The following TBC1D32 variants were observed in gnomAD, a reference collection of about 807,000 sequenced individuals.
TBC1D32 encodes the protein protein broad-minded.
A neutral mutation model predicts 170.3 loss-of-function variants in TBC1D32; 151 were observed. The ratio of observed to expected loss-of-function variants is 0.89; its 90% CI spans 0.78 to 1.01. The LOEUF is 1.01. TBC1D32 is among the 50% of genes least tolerant of loss of function. TBC1D32 has a pLI of 0.00. For missense variants in TBC1D32, 1,464 were observed against 1,457.1 expected (o/e 1.00, Z -0.08); for synonymous variants, 498 against 488.0 (o/e 1.02, Z -0.27).
intron 22 of TBC1D32, among the ~76,000 whole-genome samples, chr6:121,189,865 A>G (rs2128284335): frequency 6.6e-6 from 1 of 152,150 alleles, no homozygotes; most frequent in South Asian, 2.1e-4. Flanking sequence ...ACCCTAAGTA[A>G]GACAGGACAC....
intron 24 of TBC1D32, among the ~76,000 whole-genome samples, chr6:121,154,850 T>C (rs558491167): frequency 6.6e-6 from 1 of 152,130 alleles, no homozygotes; most frequent in Non-Finnish European, 1.5e-5. Flanking sequence ...TATTCTGTTT[T>C]ATTGGTCTAT....
chr6:121,310,022 A>G (rs1807938229), intron 4 of TBC1D32, among the ~76,000 whole-genome samples: 2 of 152,014 alleles, frequency 1.3e-5, no homozygotes, highest in African/African-American at 4.8e-5. Flanking sequence ...GTGACAGAGT[A>G]AGACCCTATC....
intron 21 of TBC1D32, among the ~76,000 whole-genome samples, chr6:121,214,797 T>C (rs1371890317): frequency 6.6e-6 from 1 of 152,198 alleles, no homozygotes; most frequent in Non-Finnish European, 1.5e-5. Flanking sequence ...TACTGCTCTT[T>C]CAGTCCTCCC....
At chr6:121,102,603 G>T (rs1230160962) in intron 30 of TBC1D32, among the ~76,000 whole-genome samples, 1 of 152,114 alleles carries the variant, frequency 6.6e-6, no homozygotes, top group African/African-American at 2.4e-5. Context: ...ATGGATTAAA[G>T]ACTTAAATGT....
intron 22 of TBC1D32, among the ~76,000 whole-genome samples, chr6:121,195,659 CT>C: frequency 6.6e-6 from 1 of 152,294 alleles, no homozygotes; most frequent in South Asian, 2.1e-4. Flanking sequence ...GCCACCCTGC[CT>C]TCTCTCCCCC....
At chr6:121,115,669 A>T (rs1388675705) in intron 26 of TBC1D32, 2 of 153,028 alleles carry the variant, frequency 1.3e-5, no homozygotes, top group African/African-American at 4.8e-5. Context: ...CTTTTAATGT[A>T]TGGTAACGTA....
chr6:121,131,843 C>A, intron 24 of TBC1D32, 91 bp from the exon 25 acceptor site: 2 of 970,366 alleles, frequency 2.1e-6, no homozygotes, highest in Non-Finnish European at 2.9e-6. Context: ...TTGAAAATTC[C>A]ATATGGAATA....
At chr6:121,205,606 AT>A (rs1470292621) in intron 21 of TBC1D32, among the ~76,000 whole-genome samples, 1 of 152,162 alleles carries the variant, frequency 6.6e-6, no homozygotes, top group Non-Finnish European at 1.5e-5. Flanking sequence ...TAGTAACTAG[AT>A]TTTCTCAATA....
chr6:121,102,772 C>A (rs1303162147), intron 30 of TBC1D32, among the ~76,000 whole-genome samples: 4 of 152,044 alleles, frequency 2.6e-5, no homozygotes, highest in Admixed American at 6.6e-5. Flanking sequence ...TTCTGCACAG[C>A]AAAAGAAACT....
intron 10 of TBC1D32, among the ~76,000 whole-genome samples, chr6:121,295,697 GATTA>G (rs1378945576): frequency 6.6e-6 from 1 of 152,004 alleles, no homozygotes; most frequent in Admixed American, 6.6e-5. Flanking sequence ...TGGAAGGAAT[GATTA>G]ATTAAGCTTT....
chr6:121,220,719 C>T (rs370739466), intron 21 of TBC1D32, among the ~76,000 whole-genome samples: 5 of 147,842 alleles, frequency 3.4e-5, no homozygotes, highest in East Asian at 2.0e-4. Context: ...TGGCTCACTG[C>T]GACCTCTACC....
At chr6:121,256,672 ACTTTTTTTTTT>A (rs142409079) in intron 15 of TBC1D32, among the ~76,000 whole-genome samples, 4,925 of 151,148 alleles carry the variant, frequency 0.033, 185 homozygotes, top group East Asian at 0.12. Flanking sequence ...AGGCTGAGAA[ACTTTTTTTTTT>A]CTTTTTTTTT....
chr6:121,276,773 A>G (rs1187355445), intron 15 of TBC1D32, among the ~76,000 whole-genome samples: 1 of 152,206 alleles, frequency 6.6e-6, no homozygotes, highest in Non-Finnish European at 1.5e-5. Context: ...GTTTCAGACA[A>G]AGCAGACTGC....
chr6:121,116,776 G>T (rs1049888922), intron 26 of TBC1D32, among the ~76,000 whole-genome samples: 2 of 152,182 alleles, frequency 1.3e-5, no homozygotes, highest in Non-Finnish European at 2.9e-5. Flanking sequence ...TCTTCCCTGT[G>T]AAAGAAAAGA....
In TBC1D32 at chr6:121,100,214, G is replaced by T. The variant is rs973818929; in HGVS notation, c.3465+5809C>A. ...ATGTGGTCAATTTTGGAATAAGTGCGATGTGGTGCTGAGAAGAATGTATAT... is the reference window on the plus strand; with the variant it reads ...ATGTGGTCAATTTTGGAATAAGTGCTATGTGGTGCTGAGAAGAATGTATAT... On this transcript the variant is annotated intron_variant, in intron 30 of 31. Coordinates refer to ENST00000398212, the MANE Select transcript of TBC1D32 (RefSeq NM_152730.6). 2.6e-5 allele frequency among the ~76,000 whole-genome samples: 4 copies of T among 151,954 alleles called. No homozygotes were observed. In the East Asian group the frequency reaches 7.7e-4, roughly 29 times the overall value.
chr6:121,091,171 T>C lies in TBC1D32; in HGVS notation c.3466-130A>G, dbSNP rs974204033. The stretch of plus-strand genomic sequence containing the variant: ...GGGCTTAATCAAAATACAAAGACAG[T>C]CTTCATAGATGCCTAAAAAGGATGC... On this transcript the variant is annotated intron_variant, in intron 30 of 31. Transcript: ENST00000398212. 1.3e-4 allele frequency: 93 copies of C among 737,548 alleles called. No homozygotes were observed. The African/African-American group carries it at 1.6e-3, about 13-fold the overall frequency. 45.7% of individuals were successfully genotyped at this position (737,548 alleles called of 1,614,324 possible).
intron 24 of TBC1D32, among the ~76,000 whole-genome samples, chr6:121,142,224 A>C (rs889618835): frequency 6.6e-5 from 10 of 152,238 alleles, no homozygotes; most frequent in Admixed American, 3.9e-4. Context: ...TCACTCAGCC[A>C]GTGTCTGCAG....
chr6:121,188,231 A>G (rs1789461303), intron 22 of TBC1D32, among the ~76,000 whole-genome samples: 2 of 152,162 alleles, frequency 1.3e-5, no homozygotes, highest in African/African-American at 4.8e-5. Flanking sequence ...AATGAGCACT[A>G]TATTAGTATT....
chr6:121,142,242 T>C (rs1248828641), intron 24 of TBC1D32, among the ~76,000 whole-genome samples: 6 of 152,252 alleles, frequency 3.9e-5, no homozygotes, highest in African/African-American at 1.4e-4. Flanking sequence ...CAGGGCAGAC[T>C]TGGCATGAAT....
Sources: allele counts gnomAD v4.1 joint callset (sites outside exome capture counted in the v4.1 genomes callset), GRCh38; gene constraint gnomAD v4.1.1; transcripts MANE v1.5; gene names NCBI Gene and HGNC (gene_info 2026-07-23, HGNC 2026-07-21).